The following PTPRD variants were observed in gnomAD, a reference collection of about 807,000 sequenced individuals.
The protein encoded by PTPRD is receptor-type tyrosine-protein phosphatase delta.
In PTPRD, 34 loss-of-function variants were observed where a neutral mutation model predicts 214.5. That is an observed-to-expected ratio of 0.16 (90% CI 0.12 to 0.21). The LOEUF (loss-of-function observed/expected upper bound fraction) is 0.21. PTPRD is among the 10% of genes least tolerant of loss of function. The pLI is 1.00. For missense variants in PTPRD, 2,545 were observed against 2,398.7 expected, an observed-to-expected ratio of 1.06 and a Z score of -1.27; for synonymous variants, 1,128 against 845.7, an observed-to-expected ratio of 1.33 and a Z score of -5.79.
In PTPRD at chr9:9,135,803, T is replaced by C. The variant is rs150963595; in HGVS notation, c.-143+47501A>G. ...AATAGTTTAAAGATAGAATAGCAGC[T>C]ACATTTGGTCACAACTAGAAATATT... is the stretch of plus-strand genomic sequence containing the variant. On this transcript the variant is annotated intron_variant, in intron 10 of 45. Transcript: ENST00000381196. Among the ~76,000 whole-genome samples, 449 of 152,052 alleles carry C rather than the reference T, an allele frequency of 3.0e-3. 1 individual carries two copies. The highest frequency in any genetic ancestry group is 4.5e-3 in the Non-Finnish European group (305 of 67,968).
In PTPRD at chr9:9,262,158, G is replaced by C. The variant is rs1339008561; in HGVS notation, c.-202-78795C>G. On this transcript the variant is annotated intron_variant, in intron 9 of 45. Transcript: ENST00000381196. ...CTTAAACAATGACTGGGTCATGAAA[G>C]CAATATTAGAATAAAAAATACTTCT... 2.6e-5 allele frequency among the ~76,000 whole-genome samples: 4 copies of C among 151,464 alleles called. No homozygotes were observed. In the East Asian group the frequency reaches 7.9e-4, roughly 30 times the overall value.
intron 2 of PTPRD, among the ~76,000 whole-genome samples, chr9:10,523,152 G>T (rs893535555): frequency 3.9e-5 from 6 of 152,000 alleles, no homozygotes; most frequent in Admixed American, 3.9e-4. Context: ...TTGCCAATTA[G>T]AACATTTGGG....
At chr9:10,189,545 A>G (rs969267233) in intron 3 of PTPRD, among the ~76,000 whole-genome samples, 2 of 152,206 alleles carry the variant, frequency 1.3e-5, no homozygotes, top group African/African-American at 2.4e-5. Flanking sequence ...GAAGAGAGCT[A>G]TTATAATATC....
At chr9:8,946,386 CTCT>C (rs2099064499) in intron 11 of PTPRD, among the ~76,000 whole-genome samples, 1 of 152,104 alleles carries the variant, frequency 6.6e-6, no homozygotes, top group African/African-American at 2.4e-5. Flanking sequence ...GGAGTACTGG[CTCT>C]TCTTTGTGTG....
intron 5 of PTPRD, among the ~76,000 whole-genome samples, chr9:9,845,864 A>T (rs1407959040): frequency 6.6e-6 from 1 of 152,120 alleles, no homozygotes; most frequent in Non-Finnish European, 1.5e-5. Context: ...GTTGTCAGTT[A>T]TGGAGCTATT....
chr9:8,911,389 T>C (rs1587881774), intron 11 of PTPRD, among the ~76,000 whole-genome samples: 1 of 136,366 alleles, frequency 7.3e-6, no homozygotes, highest in Non-Finnish European at 1.5e-5. Flanking sequence ...TGGATGCCCA[T>C]GTGTGTGTCT....
intron 3 of PTPRD, among the ~76,000 whole-genome samples, chr9:10,268,785 C>T (rs2094248585): frequency 6.6e-6 from 1 of 152,182 alleles, no homozygotes; most frequent in Non-Finnish European, 1.5e-5. Context: ...TTTATGCTAC[C>T]TTTTCAACGC....
chr9:9,384,494 G>A (rs2063300653), intron 9 of PTPRD, among the ~76,000 whole-genome samples: 1 of 150,664 alleles, frequency 6.6e-6, no homozygotes, highest in Non-Finnish European at 1.5e-5. Flanking sequence ...TTGAGCTCTT[G>A]CAGTAAGTAT....
intron 44 of PTPRD, among the ~76,000 whole-genome samples, chr9:8,323,565 G>C (rs891339655): frequency 7.2e-5 from 11 of 152,096 alleles, no homozygotes; most frequent in African/African-American, 2.7e-4. Context: ...ACTTTGAGGG[G>C]TTCAAGACTT....
At chr9:9,882,236 A>G (rs1268521241) in intron 5 of PTPRD, among the ~76,000 whole-genome samples, 4 of 151,930 alleles carry the variant, frequency 2.6e-5, no homozygotes, top group African/African-American at 9.7e-5. Flanking sequence ...CATGTCTCTC[A>G]TTTTTTTGAT....
chr9:9,747,484 T>C (rs931889243), intron 6 of PTPRD, among the ~76,000 whole-genome samples: 3 of 151,840 alleles, frequency 2.0e-5, no homozygotes, highest in African/African-American at 7.3e-5. Context: ...GCTTTGAATA[T>C]ACTATTTGGG....
rs148442449 is a variant in PTPRD at position 10,394,169 on chromosome 9, C to A, written c.-599-53152G>T. ...ATATCTATATATATAGATATATATA[C>A]ATATATATCTATATATAAAGATATA... On this transcript the variant is annotated intron_variant, in intron 2 of 45. Coordinates refer to ENST00000381196, the MANE Select transcript of PTPRD (RefSeq NM_002839.4). Among the ~76,000 whole-genome samples, 841 of 138,306 alleles carry A rather than the reference C, an allele frequency of 6.1e-3. 18 individuals carry two copies. The highest frequency in any genetic ancestry group is 0.022 in the African/African-American group (799 of 36,652). The allele number at this position is 138,306 out of a possible 152,430, so 90.7% of individuals were successfully genotyped here.
chr9:8,833,498 A>T lies in PTPRD; in HGVS notation c.-103-99552T>A, dbSNP rs1002740416. ...TAATTAGCCTCTAGATTTCAAAGCA[A>T]ATATTCAGGCTGTAACATAATTTCC... On this transcript the variant is annotated intron_variant, in intron 11 of 45. Transcript: ENST00000381196. 2.6e-5 allele frequency among the ~76,000 whole-genome samples: 4 copies of T among 151,790 alleles called. No homozygotes were observed. In the East Asian group the frequency reaches 5.8e-4, roughly 22 times the overall value.
chr9:8,683,681 A>G (rs902145146), intron 12 of PTPRD, among the ~76,000 whole-genome samples: 1 of 152,124 alleles, frequency 6.6e-6, no homozygotes, highest in Non-Finnish European at 1.5e-5. Flanking sequence ...TATTCCCTCC[A>G]TTTGAATCTG....
chr9:9,502,360 C>A (rs1160941339), intron 8 of PTPRD, among the ~76,000 whole-genome samples: 1 of 151,762 alleles, frequency 6.6e-6, no homozygotes, highest in Admixed American at 6.6e-5. Flanking sequence ...TAAGTGGGAT[C>A]TTGTAGTGAT....
At chr9:9,700,401 C>T (rs1286203272) in intron 7 of PTPRD, among the ~76,000 whole-genome samples, 1 of 152,000 alleles carries the variant, frequency 6.6e-6, no homozygotes, top group Non-Finnish European at 1.5e-5. Flanking sequence ...ATGCTGTTTC[C>T]TTCTGTAATA....
intron 2 of PTPRD, among the ~76,000 whole-genome samples, chr9:10,455,877 T>C (rs756716104): frequency 2.0e-5 from 3 of 151,868 alleles, no homozygotes; most frequent in Non-Finnish European, 3.0e-5. Context: ...TTACCTTTTT[T>C]GCTTTGACTG....
chr9:9,526,236 C>A (rs918795322), intron 8 of PTPRD, among the ~76,000 whole-genome samples: 2 of 152,090 alleles, frequency 1.3e-5, no homozygotes, highest in Admixed American at 6.6e-5. Context: ...ATGTATGCAG[C>A]CTACTGATGA....
At chr9:8,375,795 T>C (rs776045241) in intron 39 of PTPRD, 141 bp downstream of exon 39, 53 of 911,154 alleles carry the variant, frequency 5.8e-5, no homozygotes, top group Non-Finnish European at 7.8e-5. Context: ...GATGTTAGCA[T>C]AGGCCTCATT....
Sources: gnomAD v4.1 joint callset for allele counts (sites outside exome capture counted in the v4.1 genomes callset) on GRCh38, gnomAD v4.1.1 for gene constraint, MANE v1.5 for transcripts, NCBI Gene and HGNC (gene_info 2026-07-23, HGNC 2026-07-21) for gene names.